Variants in SH3GL2 observed in about 807,000 individuals in gnomAD.
SH3GL2 encodes the protein endophilin-A1.
Under a neutral mutation model 46.0 loss-of-function variants are expected in SH3GL2, and 24 were observed. The observed-to-expected ratio is 0.52, with a 90% CI of 0.38 to 0.73. The LOEUF (loss-of-function observed/expected upper bound fraction) is 0.73. Among genes scored for constraint, SH3GL2 ranks in the 30% least tolerant of loss-of-function variants. SH3GL2 has a pLI of 0.00. For missense variants in SH3GL2, 413 were observed against 424.2 expected (o/e 0.97, Z 0.23); for synonymous variants, 196 against 147.1 (o/e 1.33, Z -2.40).
intron 3 of SH3GL2, among the ~76,000 whole-genome samples, chr9:17,768,752 T>A (rs914301573): frequency 1.3e-5 from 2 of 152,222 alleles, no homozygotes; most frequent in Admixed American, 6.5e-5. Context: ...TCTCAGCTTA[T>A]GTATCTCGAC....
intron 1 of SH3GL2, among the ~76,000 whole-genome samples, chr9:17,716,564 G>T (rs973144207): frequency 6.6e-6 from 1 of 152,126 alleles, no homozygotes; most frequent in Non-Finnish European, 1.5e-5. Flanking sequence ...GCTGAGTACT[G>T]TTCCCTCTAC....
chr9:17,644,299 T>C (rs766975004), intron 1 of SH3GL2, among the ~76,000 whole-genome samples: 4 of 152,188 alleles, frequency 2.6e-5, no homozygotes, highest in Non-Finnish European at 5.9e-5. Context: ...CCTAGATTCA[T>C]TGATTTTTCG....
intron 1 of SH3GL2, among the ~76,000 whole-genome samples, chr9:17,677,669 G>T (rs1820647554): frequency 6.6e-6 from 1 of 151,762 alleles, no homozygotes; most frequent in African/African-American, 2.4e-5. Context: ...TAGGGTACAT[G>T]TGCACAACGT....
At chr9:17,733,374 C>T (rs1232417422) in intron 1 of SH3GL2, among the ~76,000 whole-genome samples, 1 of 151,848 alleles carries the variant, frequency 6.6e-6, no homozygotes, top group African/African-American at 2.4e-5. Flanking sequence ...GTGCTGCACC[C>T]ACTAACTTGT....
intron 1 of SH3GL2, among the ~76,000 whole-genome samples, chr9:17,643,243 C>T (rs535003557): frequency 1.3e-5 from 2 of 152,076 alleles, no homozygotes; most frequent in East Asian, 3.9e-4. Context: ...GATTTTGTAC[C>T]CTGAGACTTT....
intron 1 of SH3GL2, among the ~76,000 whole-genome samples, chr9:17,579,894 C>T (rs1482862455): frequency 6.6e-6 from 1 of 152,218 alleles, no homozygotes; most frequent in East Asian, 1.9e-4. Flanking sequence ...CGTGAAACTC[C>T]TTTGAGGCCA....
At chr9:17,680,078 G>A (rs1820727806) in intron 1 of SH3GL2, among the ~76,000 whole-genome samples, 1 of 152,132 alleles carries the variant, frequency 6.6e-6, no homozygotes, top group Admixed American at 6.6e-5. Context: ...AGGGATATTG[G>A]TCTAAAATTC....
chr9:17,585,846 TGAGGCAGCAA>T (rs1023023908), intron 1 of SH3GL2, among the ~76,000 whole-genome samples: 3 of 152,170 alleles, frequency 2.0e-5, no homozygotes, highest in Non-Finnish European at 2.9e-5. Flanking sequence ...GAATGAATGT[TGAGGCAGCAA>T]GAGGCAGCAG....
intron 1 of SH3GL2, among the ~76,000 whole-genome samples, chr9:17,714,277 C>A (rs2118294639): frequency 6.6e-6 from 1 of 151,738 alleles, no homozygotes; most frequent in East Asian, 1.9e-4. Flanking sequence ...TTGTAGTAAG[C>A]AAATATCGTT....
intron 8 of SH3GL2, among the ~76,000 whole-genome samples, chr9:17,793,846 C>T (rs1292574290): frequency 2.0e-5 from 3 of 152,216 alleles, no homozygotes; most frequent in South Asian, 4.1e-4. Context: ...TTTTCTCCTG[C>T]GTGTTCGCTC....
At chr9:17,766,160 G>T (rs558778183) in intron 3 of SH3GL2, among the ~76,000 whole-genome samples, 1 of 152,298 alleles carries the variant, frequency 6.6e-6, no homozygotes, top group East Asian at 1.9e-4. Flanking sequence ...AGCCCAGAAG[G>T]CTTCACAGCT....
intron 1 of SH3GL2, among the ~76,000 whole-genome samples, chr9:17,591,652 TTG>T (rs1818483447): frequency 6.6e-6 from 1 of 152,200 alleles, no homozygotes; most frequent in Non-Finnish European, 1.5e-5. Flanking sequence ...GCACGGTTGT[TTG>T]TGAAGGAATG....
intron 1 of SH3GL2, among the ~76,000 whole-genome samples, chr9:17,732,735 C>T (rs928309777): frequency 1.3e-5 from 2 of 152,070 alleles, no homozygotes; most frequent in African/African-American, 4.8e-5. Context: ...GACAGTAAAA[C>T]CTAATTGATT....
chr9:17,604,904 G>C (rs1205908687), intron 1 of SH3GL2, among the ~76,000 whole-genome samples: 2 of 152,018 alleles, frequency 1.3e-5, no homozygotes, highest in African/African-American at 4.8e-5. Flanking sequence ...CCTAAAAGTA[G>C]GTCGAGGACC....
intron 1 of SH3GL2, among the ~76,000 whole-genome samples, chr9:17,714,954 G>T (rs1015524118): frequency 6.6e-6 from 1 of 151,646 alleles, no homozygotes; most frequent in Admixed American, 6.6e-5. Context: ...CTGAAAGTAA[G>T]TCTTTATGTT....
intron 1 of SH3GL2, among the ~76,000 whole-genome samples, chr9:17,629,510 A>G (rs1420253456): frequency 3.9e-5 from 6 of 152,160 alleles, no homozygotes; most frequent in African/African-American, 7.2e-5. Flanking sequence ...CCAAAAAACA[A>G]TATTCTTGTG....
At chr9:17,604,778 C>G (rs1187830829) in intron 1 of SH3GL2, among the ~76,000 whole-genome samples, 1 of 152,124 alleles carries the variant, frequency 6.6e-6, no homozygotes. Context: ...AAGGGCGGTG[C>G]TGAGAACAGG....
intron 3 of SH3GL2, among the ~76,000 whole-genome samples, chr9:17,762,825 A>G (rs1395130806): frequency 6.6e-6 from 1 of 152,224 alleles, no homozygotes; most frequent in Non-Finnish European, 1.5e-5. Context: ...TCTTGGATGC[A>G]CATTTATTCC....
At chr9:17,793,254 C>A in intron 7 of SH3GL2, 113 bp from the exon 8 acceptor site, 1 of 931,692 alleles carries the variant, frequency 1.1e-6, no homozygotes, top group Non-Finnish European at 1.6e-6. Context: ...TCCCACACTT[C>A]ATCATGGTAG....
Sources: gnomAD v4.1 joint callset for allele counts (sites outside exome capture counted in the v4.1 genomes callset) on GRCh38, gnomAD v4.1.1 for gene constraint, MANE v1.5 for transcripts, NCBI Gene and HGNC (gene_info 2026-07-23, HGNC 2026-07-21) for gene names.